SLC35D2: variants seen among roughly 807,000 people sequenced by gnomAD.
The protein encoded by SLC35D2 is nucleotide sugar transporter SLC35D2.
In SLC35D2, 43 loss-of-function variants were observed where a neutral mutation model predicts 41.8. That is an observed-to-expected ratio of 1.03 (90% CI 0.81 to 1.33). The LOEUF (loss-of-function observed/expected upper bound fraction) is 1.33. SLC35D2 is among the 40% of genes most tolerant of loss of function. The probability of loss-of-function intolerance (pLI) is 0.00; values close to 1 mark genes in which losing one functional copy is unlikely to be tolerated. For synonymous variants in SLC35D2, 150 were observed against 163.9 expected (o/e 0.92, Z 0.65); for missense variants, 380 against 408.4 (o/e 0.93, Z 0.60).
intron 1 of SLC35D2, among the ~76,000 whole-genome samples, chr9:96,375,622 T>C (rs1330155550): frequency 2.6e-5 from 4 of 152,112 alleles, no homozygotes; most frequent in Non-Finnish European, 5.9e-5. Context: ...GGAATTATTA[T>C]TGTCTTCTTT....
intron 9 of SLC35D2, among the ~76,000 whole-genome samples, chr9:96,329,397 A>G (rs977306942): frequency 5.3e-5 from 8 of 151,940 alleles, no homozygotes; most frequent in African/African-American, 1.9e-4. Context: ...CATTTGCCTA[A>G]CTTTTTTCTG....
At chr9:96,330,463 C>T (rs1043209146) in intron 9 of SLC35D2, among the ~76,000 whole-genome samples, 1 of 152,106 alleles carries the variant, frequency 6.6e-6, no homozygotes, top group African/African-American at 2.4e-5. Flanking sequence ...CTTAAGTTTC[C>T]GAATGAAGAC....
intron 4 of SLC35D2, among the ~76,000 whole-genome samples, chr9:96,353,380 G>A (rs1257980699): frequency 7.0e-6 from 1 of 142,076 alleles, no homozygotes; most frequent in Non-Finnish European, 1.5e-5. Context: ...TAGAGATAGA[G>A]TCTCACTCTG....
chr9:96,334,349 C>T (rs1482457626), intron 9 of SLC35D2, among the ~76,000 whole-genome samples: 1 of 152,104 alleles, frequency 6.6e-6, no homozygotes, highest in Non-Finnish European at 1.5e-5. Flanking sequence ...CAAAGTTAAG[C>T]AAAATGGGCC....
chr9:96,382,496 C>CAA (rs200897475), intron 1 of SLC35D2, among the ~76,000 whole-genome samples: 2 of 127,914 alleles, frequency 1.6e-5, no homozygotes, highest in African/African-American at 5.9e-5. Context: ...CACACACACA[C>CAA]TATATATATA....
At chr9:96,320,550 CTGAG>C (rs1243904296), downstream of SLC35D2, among the ~76,000 whole-genome samples, 5 of 151,656 alleles carry the variant, frequency 3.3e-5, no homozygotes, top group Non-Finnish European at 7.4e-5. Flanking sequence ...AGGATAAAGC[CTGAG>C]TATTTTTTTT....
chr9:96,380,240 T>C (rs563430418), intron 1 of SLC35D2, among the ~76,000 whole-genome samples: 5 of 152,076 alleles, frequency 3.3e-5, no homozygotes, highest in African/African-American at 1.2e-4. Flanking sequence ...TAAGTCTTCC[T>C]GGTTAAACAC....
chr9:96,342,207 T>C (rs547952109), intron 8 of SLC35D2, among the ~76,000 whole-genome samples: 2 of 152,058 alleles, frequency 1.3e-5, no homozygotes, highest in South Asian at 4.2e-4. Context: ...GCCTCCCAGG[T>C]TCAAGTGATT....
intron 1 of SLC35D2, among the ~76,000 whole-genome samples, chr9:96,377,882 G>T (rs1831023627): frequency 6.6e-6 from 1 of 152,246 alleles, no homozygotes; most frequent in Non-Finnish European, 1.5e-5. Flanking sequence ...AGCATGAGCA[G>T]CTGGGAGCTA....
chr9:96,329,617 G>A (rs1288394903), intron 9 of SLC35D2, among the ~76,000 whole-genome samples: 2 of 152,118 alleles, frequency 1.3e-5, no homozygotes. Flanking sequence ...TGTGGCCCAC[G>A]GATTTTGTAA....
At chr9:96,350,882 T>G (rs1347777853) in intron 6 of SLC35D2, 2 of 428,134 alleles carry the variant, frequency 4.7e-6, no homozygotes, top group Non-Finnish European at 8.4e-6. Context: ...ATTAATATCT[T>G]GCAATGCTCT....
At chr9:96,341,339 C>T (rs1428931868) in intron 8 of SLC35D2, among the ~76,000 whole-genome samples, 3 of 152,036 alleles carry the variant, frequency 2.0e-5, no homozygotes, top group East Asian at 1.9e-4. Context: ...GTCTCTTGTA[C>T]TTTCTATAAG....
At chr9:96,345,156 G>A (rs1376865644) in intron 7 of SLC35D2, 143 bp downstream of exon 7, 1 of 546,970 alleles carries the variant, frequency 1.8e-6, no homozygotes, top group African/African-American at 2.0e-5. Flanking sequence ...AACTTATACA[G>A]ACAAGATAAT....
intron 6 of SLC35D2, among the ~76,000 whole-genome samples, chr9:96,346,163 G>T (rs1390943188): frequency 6.6e-6 from 1 of 152,096 alleles, no homozygotes; most frequent in Non-Finnish European, 1.5e-5. Flanking sequence ...AGTGTCTGGG[G>T]GCCTGCTAAT....
At chr9:96,348,478 G>A (rs1210843434) in intron 6 of SLC35D2, among the ~76,000 whole-genome samples, 2 of 152,188 alleles carry the variant, frequency 1.3e-5, no homozygotes, top group Non-Finnish European at 2.9e-5. Flanking sequence ...TGCATCTGGT[G>A]AGTGAAGCTA....
At position 96,360,215 on chromosome 9, in the gene SLC35D2, G is replaced by T; in HGVS notation, c.286C>A (p.Pro96Thr). The part of the protein sequence containing the change: ...FDKKIPVKLF[P>T]LPLLYVGNHI... ...TTTCCAACGTAGAGGAGAGGCAGAG[G>T]AAACAGCTTCCATTAAAAAAAAAAG... is the stretch of plus-strand genomic sequence containing the variant. Residue 96 changes from proline (P) to threonine (T), a missense_variant, in exon 4 of 12, where the codon CCT becomes ACT. Physicochemically the swap from Pro to Thr is conservative, Grantham distance 38 (BLOSUM62 -1). Coordinates refer to ENST00000253270, the MANE Select transcript of SLC35D2 (RefSeq NM_007001.3). 1 of 1,609,928 alleles carries T rather than the reference G, an allele frequency of 6.2e-7. No homozygotes were observed.
chr9:96,345,395 G>C lies in SLC35D2; in HGVS notation c.495C>G (p.Asp165Glu), dbSNP rs137899886. The C allele has an allele frequency of 6.1e-5, 97 of 1,582,914 alleles. No individual in the cohort carries two copies. The highest frequency in any genetic ancestry group is 8.1e-5 in the Non-Finnish European group (94 of 1,154,404). Residue 165 changes from aspartate to glutamate, a missense_variant, in exon 7 of 12, where the codon GAC (aspartate) becomes GAG (glutamate). Transcript: ENST00000253270. Reference sequence around the variant, plus strand: ...TATAGCCTTCTAAGTTAAAAGCAAGGTCAGACCTGGGAGGGAGACCACAAA... The same window carrying C: ...TATAGCCTTCTAAGTTAAAAGCAAGCTCAGACCTGGGAGGGAGACCACAAA... Reference protein sequence around the residue: ...ILGAFIAAGSDLAFNLEGYIF... With the variant: ...ILGAFIAAGSELAFNLEGYIF...
At chr9:96,343,667 T>C (rs1303764454) in intron 8 of SLC35D2, among the ~76,000 whole-genome samples, 1 of 152,238 alleles carries the variant, frequency 6.6e-6, no homozygotes, top group Non-Finnish European at 1.5e-5. Flanking sequence ...TATTGTTGTT[T>C]TCCAAAAAGT....
chr9:96,318,833 C>A (rs1828119523), downstream of SLC35D2, among the ~76,000 whole-genome samples: 1 of 152,010 alleles, frequency 6.6e-6, no homozygotes, highest in African/African-American at 2.4e-5. Context: ...TTTAAAACAT[C>A]CATTATGATG....
Sources: allele counts gnomAD v4.1 joint callset (sites outside exome capture counted in the v4.1 genomes callset), GRCh38; gene constraint gnomAD v4.1.1; transcripts MANE v1.5; gene names NCBI Gene and HGNC (gene_info 2026-07-23, HGNC 2026-07-21).